Variants in CACNA1D observed in about 807,000 individuals in gnomAD.
CACNA1D encodes the protein calcium voltage-gated channel subunit alpha1 D.
In CACNA1D, 55 loss-of-function variants were observed where a neutral mutation model predicts 257.1. The observed-to-expected ratio is 0.21, with a 90% CI of 0.17 to 0.27. CACNA1D has a LOEUF of 0.27. Ranked by LOEUF, CACNA1D falls within the 10% of genes least tolerant of loss-of-function variation. The pLI, the probability that CACNA1D is intolerant of heterozygous loss-of-function variation, is 1.00. For missense variants in CACNA1D, 1,876 were observed against 2,784.0 expected (o/e 0.67, Z 7.34); for synonymous variants, 980 against 1,014.9 (o/e 0.97, Z 0.65).
chr3:53,497,516 T>C, intron 2 of CACNA1D, 55 bp downstream of exon 2: 1 of 1,569,136 alleles, frequency 6.4e-7, no homozygotes, highest in East Asian at 2.2e-5. Flanking sequence ...ATCTGTTTTT[T>C]AAAAGGATTT....
chr3:53,526,912 C>T (rs554748230), intron 3 of CACNA1D, among the ~76,000 whole-genome samples: 96 of 152,336 alleles, frequency 6.3e-4, no homozygotes, highest in African/African-American at 2.3e-3. Flanking sequence ...CAGATAAGCT[C>T]TTTAAAGTTT....
intron 27 of CACNA1D, 95 bp downstream of exon 27, chr3:53,749,564 C>T: frequency 1.2e-6 from 1 of 860,462 alleles, no homozygotes; most frequent in Non-Finnish European, 2.0e-6. Context: ...AGAAGGGCAC[C>T]CACATACTGT....
At chr3:53,786,673 G>T in intron 39 of CACNA1D, 149 bp from the exon 40 acceptor site, 1 of 706,760 alleles carries the variant, frequency 1.4e-6, no homozygotes, top group South Asian at 1.5e-5. Context: ...TGAGACCCCT[G>T]TGTTATATGC....
chr3:53,539,360 C>T (rs573711609), intron 3 of CACNA1D, among the ~76,000 whole-genome samples: 34 of 152,118 alleles, frequency 2.2e-4, no homozygotes, highest in African/African-American at 6.5e-4. Context: ...TGCCCGCCTC[C>T]GCCTCCCAAA....
At chr3:53,697,373 C>T (rs1001438185) in intron 8 of CACNA1D, among the ~76,000 whole-genome samples, 1 of 152,114 alleles carries the variant, frequency 6.6e-6, no homozygotes, top group African/African-American at 2.4e-5. Context: ...TTCCTGCATG[C>T]CTATATGAAG....
At chr3:53,692,554 C>T (rs1467430895) in intron 8 of CACNA1D, among the ~76,000 whole-genome samples, 1 of 152,182 alleles carries the variant, frequency 6.6e-6, no homozygotes, top group African/African-American at 2.4e-5. Context: ...ATCCCTACCG[C>T]ACTCTCCTGC....
chr3:53,764,751 A>G (rs1343491463), intron 30 of CACNA1D, among the ~76,000 whole-genome samples: 1 of 152,218 alleles, frequency 6.6e-6, no homozygotes, highest in Non-Finnish European at 1.5e-5. Context: ...CCAGTCAGGA[A>G]AGGGGCAGGT....
intron 8 of CACNA1D, among the ~76,000 whole-genome samples, chr3:53,695,483 G>T (rs750859718): frequency 1.1e-4 from 17 of 152,120 alleles, no homozygotes; most frequent in Non-Finnish European, 1.9e-4. Context: ...CCCTGAACAG[G>T]TGGACAAGAA....
intron 5 of CACNA1D, among the ~76,000 whole-genome samples, chr3:53,663,555 C>G (rs2094227195): frequency 6.6e-6 from 1 of 152,170 alleles, no homozygotes; most frequent in Non-Finnish European, 1.5e-5. Context: ...TGCCCCCATC[C>G]TTCTTTTCAT....
At chr3:53,504,490 GT>G (rs1383392802) in intron 3 of CACNA1D, among the ~76,000 whole-genome samples, 1 of 152,120 alleles carries the variant, frequency 6.6e-6, no homozygotes, top group Non-Finnish European at 1.5e-5. Context: ...CCCAGGGATA[GT>G]TTTTGTTCTT....
At chr3:53,597,786 T>A (rs1209446933) in intron 3 of CACNA1D, among the ~76,000 whole-genome samples, 1 of 152,186 alleles carries the variant, frequency 6.6e-6, no homozygotes, top group Non-Finnish European at 1.5e-5. Flanking sequence ...CTCCAGCCTT[T>A]CATCTCACAA....
Position 53,495,138 on chromosome 3 carries a change from C to T in CACNA1D, c.-29C>T, listed in dbSNP as rs908878082. 4.4e-6 allele frequency: 7 copies of T among 1,587,466 alleles called. No homozygotes were observed. In the Admixed American group the frequency reaches 8.4e-5, roughly 19 times the overall value. ...TCAACGCCCAGCACAGTGCCCTGCA[C>T]ACAGTAGTCGCTCAATAAATGTTCG... On this transcript the variant is annotated 5_prime_UTR_variant, in exon 1 of 48. Transcript: ENST00000350061. This position sits in a 1 kb window ranked among gnomAD's most constrained non-coding sequence, Gnocchi z 5.1.
chr3:53,716,263 C>T (rs1245588350), intron 9 of CACNA1D, among the ~76,000 whole-genome samples: 2 of 152,238 alleles, frequency 1.3e-5, no homozygotes, highest in Non-Finnish European at 2.9e-5. Context: ...ATCCATTGCC[C>T]AGGAGACTCA....
At chr3:53,651,080 T>C in intron 4 of CACNA1D, 162 bp downstream of exon 4, 1 of 658,146 alleles carries the variant, frequency 1.5e-6, no homozygotes, top group Non-Finnish European at 2.7e-6. Context: ...CTGGTGATGC[T>C]GCTGTCAGTC....
intron 3 of CACNA1D, among the ~76,000 whole-genome samples, chr3:53,599,709 T>C (rs893327568): frequency 6.6e-6 from 1 of 152,212 alleles, no homozygotes; most frequent in Admixed American, 6.5e-5. Context: ...ACATGAATTC[T>C]CTATATGGGA....
At chr3:53,626,694 C>A (rs1040019210) in intron 3 of CACNA1D, among the ~76,000 whole-genome samples, 3 of 152,164 alleles carry the variant, frequency 2.0e-5, no homozygotes, top group African/African-American at 4.8e-5. Flanking sequence ...GATGTTAGAT[C>A]AGTTCTTGCC....
At chr3:53,795,325 C>T (rs1333762053) in intron 40 of CACNA1D, among the ~76,000 whole-genome samples, 1 of 152,112 alleles carries the variant, frequency 6.6e-6, no homozygotes, top group Non-Finnish European at 1.5e-5. Flanking sequence ...CAGGTGGCAC[C>T]CCACAGTCGT....
intron 39 of CACNA1D, among the ~76,000 whole-genome samples, chr3:53,783,416 G>C (rs530125319): frequency 2.0e-5 from 3 of 152,080 alleles, no homozygotes; most frequent in Non-Finnish European, 4.4e-5. Context: ...CTTCTTTCTT[G>C]GTCCAATAAC....
chr3:53,615,493 C>A (rs1021466627), intron 3 of CACNA1D, among the ~76,000 whole-genome samples: 2 of 152,190 alleles, frequency 1.3e-5, no homozygotes, highest in Non-Finnish European at 2.9e-5. Flanking sequence ...GTGCTCATCC[C>A]GTGTTTAAAT....
Sources: allele counts gnomAD v4.1 joint callset (sites outside exome capture counted in the v4.1 genomes callset), GRCh38; gene constraint gnomAD v4.1.1; non-coding constraint Gnocchi (gnomAD v3.1); transcripts MANE v1.5; gene names NCBI Gene and HGNC (gene_info 2026-07-23, HGNC 2026-07-21).